Variants in COL20A1 observed in about 807,000 individuals in gnomAD.
COL20A1 encodes collagen alpha-1(XX) chain.
A neutral mutation model predicts 152.9 loss-of-function variants in COL20A1; 164 were observed. The ratio of observed to expected loss-of-function variants is 1.07; its 90% CI spans 0.94 to 1.22. The LOEUF is 1.22. COL20A1 is among the 50% of genes most tolerant of loss of function. The pLI is 0.00. For missense variants in COL20A1, 1,873 were observed against 1,744.8 expected (o/e 1.07, Z -1.31); for synonymous variants, 864 against 756.0 (o/e 1.14, Z -2.34).
intron 35 of COL20A1, among the ~76,000 whole-genome samples, chr20:63,330,215 G>A (rs922056183): frequency 3.1e-4 from 47 of 152,148 alleles, no homozygotes; most frequent in African/African-American, 1.0e-3. Context: ...GCTGGTCCCA[G>A]CAGCAGGTGT....
intron 2 of COL20A1, among the ~76,000 whole-genome samples, chr20:63,295,833 G>A (rs2067786082): frequency 6.6e-6 from 1 of 152,264 alleles, no homozygotes; most frequent in Non-Finnish European, 1.5e-5. Flanking sequence ...CGTGTCTATG[G>A]AGAAGGCTCC....
In COL20A1 at chr20:63,328,465, T is replaced by TG; in HGVS notation, c.3753dup (p.Arg1252AlafsTer7). The TG allele has an allele frequency of 6.2e-7, 1 of 1,612,296 alleles. No homozygotes were observed. The highest frequency in any genetic ancestry group is 8.5e-7 in the Non-Finnish European group (1 of 1,179,562). On this transcript the variant is annotated frameshift_variant, in exon 34 of 36. Transcript: ENST00000358894. LOFTEE classifies it high-confidence loss of function. ...CAGCAAGGCCCTGGTTCCTGGAGAA[T>TG]GGGGGCGTGGTGGCCGCCACCTTGA...
At chr20:63,309,955 C>T in intron 10 of COL20A1, 40 bp downstream of exon 10, 1 of 1,544,596 alleles carries the variant, frequency 6.5e-7, no homozygotes. Flanking sequence ...AGCCGGTCCT[C>T]AGCCGTAGTG....
At chr20:63,329,844 C>G (rs945610446) in intron 35 of COL20A1, among the ~76,000 whole-genome samples, 183 bp downstream of exon 35, 1 of 152,150 alleles carries the variant, frequency 6.6e-6, no homozygotes, top group Non-Finnish European at 1.5e-5. Flanking sequence ...CCCGTAGGGG[C>G]AACAGGAATG....
chr20:63,308,680 A>T lies in COL20A1; in HGVS notation c.914A>T (p.Asp305Val). 1.2e-6 allele frequency: 2 copies of T among 1,606,330 alleles called. No homozygotes were observed. The highest frequency in any genetic ancestry group is 1.7e-6 in the Non-Finnish European group (2 of 1,176,878). Residue 305 changes from aspartate (D) to valine (V), a missense_variant, in exon 8 of 36, where the codon GAC becomes GTC. By Grantham distance (152) the Asp-to-Val change is radical. Coordinates refer to ENST00000358894, the MANE Select transcript of COL20A1 (RefSeq NM_020882.4). ...DVHTAARVLK[D>V]LGVNVFAVGV... ...CACACTGCTGCCCGTGTCCTCAAGG[A>T]CCTGGGCGTGAACGTCTTCGCTGTG... is the stretch of plus-strand genomic sequence containing the variant.
At chr20:63,325,830 C>T in intron 29 of COL20A1, 109 bp downstream of exon 29, 1 of 1,019,060 alleles carries the variant, frequency 9.8e-7, no homozygotes, top group Non-Finnish European at 1.5e-6. Context: ...GTGCTTTCTC[C>T]TGGGCTCCTG....
intron 2 of COL20A1, among the ~76,000 whole-genome samples, chr20:63,295,532 C>T (rs954879644): frequency 2.6e-5 from 4 of 152,100 alleles, no homozygotes; most frequent in Non-Finnish European, 5.9e-5. Context: ...TGCTTCCCAC[C>T]GCCGCCTCCC....
rs533158889 is a variant in COL20A1 at position 63,324,843 on chromosome 20, T to G, written c.3295-598T>G. The stretch of plus-strand genomic sequence containing the variant: ...GTCCTCTGCCCCACAGGGTTGGATT[T>G]CCCATAAAACCTGAGTCTAGTGTTT... On this transcript the variant is annotated intron_variant, in intron 27 of 35. Transcript: ENST00000358894. The G allele has an allele frequency of 3.3e-3, 548 of 167,948 alleles. 7 individuals are homozygous for G. Among genetic ancestry groups the G allele is most frequent in the African/African-American group, 0.012 (508 of 41,654 alleles). 10.4% of individuals were successfully genotyped at this position (167,948 alleles called of 1,614,324 possible).
chr20:63,315,396 C>T lies in COL20A1; in HGVS notation c.2489-8C>T. ...CCCACTCACACTGACCCTGTCTCCT[C>T]TCAGCAGCCTGCCCAGCCCTCCGCC... On this transcript the variant is annotated splice_region_variant and splice_polypyrimidine_tract_variant and intron_variant, in intron 19 of 35. Coordinates refer to ENST00000358894, the MANE Select transcript of COL20A1 (RefSeq NM_020882.4). 2 of 1,573,798 alleles carry T rather than the reference C, an allele frequency of 1.3e-6. No individual in the cohort carries two copies. The highest frequency in any genetic ancestry group is 1.7e-6 in the Non-Finnish European group (2 of 1,164,128).
chr20:63,301,119 AC>A (rs2067857901), intron 3 of COL20A1, among the ~76,000 whole-genome samples: 6 of 152,142 alleles, frequency 3.9e-5, no homozygotes, highest in Non-Finnish European at 8.8e-5. Flanking sequence ...GTTTGAGACC[AC>A]CCTGTCCAAC....
At chr20:63,328,800 C>T (rs1368585155) in intron 34 of COL20A1, among the ~76,000 whole-genome samples, 1 of 152,126 alleles carries the variant, frequency 6.6e-6, no homozygotes, top group Admixed American at 6.5e-5. Context: ...CAGCCTACCT[C>T]CCATCCTTCC....
intron 29 of COL20A1, 67 bp downstream of exon 29, chr20:63,325,788 G>A (rs2068238281): frequency 1.4e-6 from 2 of 1,420,906 alleles, no homozygotes; most frequent in Non-Finnish European, 2.0e-6. Flanking sequence ...GGGGGGCCTT[G>A]GAGATGGAGG....
rs78678381 is a variant in COL20A1, at chr20:63,317,465, T to TA, written c.2663+795dup. On this transcript the variant is annotated intron_variant, in intron 21 of 35. Coordinates refer to ENST00000358894, the MANE Select transcript of COL20A1 (RefSeq NM_020882.4). ...GGCACCAGAGCAATACTCCGTCCCT[T>TA]AAAAAAAAAAAAAAAAAAAAAGAAG... Among the ~76,000 whole-genome samples the TA allele has an allele frequency of 5.1e-3, 587 of 114,502 alleles. 1 individual carries two copies. Among genetic ancestry groups the TA allele is most frequent in the Admixed American group, 6.1e-3 (67 of 11,050 alleles). 75.1% of individuals were successfully genotyped at this position (114,502 alleles called of 152,430 possible).
At position 63,328,129 on chromosome 20, in the gene COL20A1, T is replaced by C; in HGVS notation, c.3613+2T>C. Reference sequence around the variant, plus strand: ...TCTACCAGCTTGTGAGCCAGGCCTGTGAGTCTGCCATTCAGAGTGAGTGAG... The same window carrying C: ...TCTACCAGCTTGTGAGCCAGGCCTGCGAGTCTGCCATTCAGAGTGAGTGAG... On this transcript the variant is annotated splice_donor_variant, in intron 33 of 35. Coordinates refer to ENST00000358894, the MANE Select transcript of COL20A1 (RefSeq NM_020882.4). LOFTEE classifies it high-confidence loss of function. 1.1e-5 allele frequency: 18 copies of C among 1,613,016 alleles called. No homozygotes were observed. The highest frequency in any genetic ancestry group is 1.5e-5 in the Non-Finnish European group (18 of 1,179,770).
rs201063299 is a variant in COL20A1, at chr20:63,315,427, G to A, written c.2512G>A (p.Gly838Ser). The A allele has an allele frequency of 1.0e-4, 159 of 1,579,662 alleles. No individual in the cohort carries two copies. The East Asian group carries it at 2.0e-3, about 20-fold the overall frequency. ...AGCCTGCCCAGCCCTCCGCCCTGAC[G>A]GCTCCCTCCCAGGTGGGTCCTGCAT... is the stretch of plus-strand genomic sequence containing the variant. ...QTACPALRPD[G>S]SLPGFDLMVA... Residue 838 changes from glycine (G) to serine (S), a missense_variant, in exon 20 of 36, where the codon GGC (glycine) becomes AGC (serine). Physicochemically the swap from Gly to Ser is moderately conservative, Grantham distance 56. Transcript: ENST00000358894.
In COL20A1 at chr20:63,329,628, G is replaced by C. The variant is rs2068305623; in HGVS notation, c.3825G>C (p.Gln1275His). 1 of 1,605,796 alleles carries C rather than the reference G, an allele frequency of 6.2e-7. No homozygotes were observed. Among genetic ancestry groups the C allele is most frequent in the African/African-American group, 1.3e-5 (1 of 74,840 alleles). Residue 1275 changes from glutamine to histidine, a missense_variant, in exon 35 of 36, where the codon CAG becomes CAC. Physicochemically the swap from Gln to His is conservative, Grantham distance 24 (BLOSUM62 0). Coordinates refer to ENST00000358894, the MANE Select transcript of COL20A1 (RefSeq NM_020882.4). ...AVGQMGSPGQ[Q>H]GASTQGLWE is the part of the protein sequence containing the mutation. ...GTCAGATGGGCAGCCCTGGGCAGCA[G>C]GGGGCTAGCACCCAGGGCCTCTGGG...
intron 3 of COL20A1, among the ~76,000 whole-genome samples, chr20:63,304,019 C>G (rs1188546358): frequency 1.4e-5 from 2 of 138,614 alleles, no homozygotes; most frequent in African/African-American, 5.4e-5. Context: ...CTTCCTCCCT[C>G]CAGGTGTGCA....
In COL20A1 at chr20:63,313,882, C is replaced by T. The variant is rs1385341612; in HGVS notation, c.2349C>T (p.Pro783=). Residue 783 remains proline, a synonymous_variant, in exon 18 of 36, where the codon CCC becomes CCT. Coordinates refer to ENST00000358894, the MANE Select transcript of COL20A1 (RefSeq NM_020882.4). This position sits in a 1 kb window ranked among gnomAD's most constrained non-coding sequence, Gnocchi z 5.9. ...LTYAPASGLG[P]EKSVSVPGAR... ...ACGCCCCCGCCTCTGGCTTGGGACC[C>T]GAGAAATCCGTGAGTCTTGGTAGAG... 8.1e-6 allele frequency: 13 copies of T among 1,601,648 alleles called. No homozygotes were observed. Among genetic ancestry groups the T allele is most frequent in the African/African-American group, 2.7e-5 (2 of 74,496 alleles).
chr20:63,326,760 G>A lies in COL20A1; in HGVS notation c.3465G>A (p.Gln1155=), dbSNP rs181405962. 1.7e-4 allele frequency: 257 copies of A among 1,472,804 alleles called. 1 individual carries two copies. The highest frequency in any genetic ancestry group is 8.9e-4 in the Middle Eastern group (5 of 5,648). 91.2% of individuals were successfully genotyped at this position (1,472,804 alleles called of 1,614,324 possible). ...CTTCTGTGTCTATGCAGGGGTTCCA[G>A]GGCATGGCAGGGGCCAGGGGCACTA... is the stretch of plus-strand genomic sequence containing the variant. ...LPGPPGPRGF[Q]GMAGARGTSG... is the part of the protein sequence containing the mutation. Residue 1155 remains glutamine (Q), a synonymous_variant, in exon 31 of 36, where the codon CAG becomes CAA. Coordinates refer to ENST00000358894, the MANE Select transcript of COL20A1 (RefSeq NM_020882.4).
Sources: allele counts gnomAD v4.1 joint callset (sites outside exome capture counted in the v4.1 genomes callset), GRCh38; gene constraint gnomAD v4.1.1; non-coding constraint Gnocchi (gnomAD v3.1); transcripts MANE v1.5; gene names NCBI Gene and HGNC (gene_info 2026-07-23, HGNC 2026-07-21).